The following RELN variants were observed in gnomAD, a reference collection of about 807,000 sequenced individuals.
RELN encodes the protein reelin.
In RELN, 108 loss-of-function variants were observed where a neutral mutation model predicts 427.6. That is an observed-to-expected ratio of 0.25 (90% CI 0.22 to 0.30). The LOEUF is 0.30. RELN is among the 10% of genes least tolerant of loss of function. The pLI, the probability that RELN is intolerant of heterozygous loss-of-function variation, is 1.00. For synonymous variants in RELN, 1,524 were observed against 1,513.4 expected (o/e 1.01, Z -0.16); for missense variants, 3,715 against 4,302.8 (o/e 0.86, Z 3.82).
At chr7:103,497,345 T>C (rs1030488694) in intron 55 of RELN, among the ~76,000 whole-genome samples, 23 of 152,232 alleles carry the variant, frequency 1.5e-4, no homozygotes, top group African/African-American at 5.5e-4. Context: ...TGGTTTTAGC[T>C]ACTTCAGAAT....
At chr7:103,609,367 G>A (rs1831895312) in intron 22 of RELN, among the ~76,000 whole-genome samples, 1 of 152,096 alleles carries the variant, frequency 6.6e-6, no homozygotes, top group Non-Finnish European at 1.5e-5. Context: ...GCTCTGCTTT[G>A]AGTATGACCA....
At chr7:103,506,576 A>G (rs1562859380) in intron 51 of RELN, among the ~76,000 whole-genome samples, 1 of 152,234 alleles carries the variant, frequency 6.6e-6, no homozygotes, top group African/African-American at 2.4e-5. Flanking sequence ...AAACATGGAA[A>G]GGAACAACCA....
chr7:103,514,345 T>A (rs941517338), intron 50 of RELN, among the ~76,000 whole-genome samples: 1 of 151,730 alleles, frequency 6.6e-6, no homozygotes, highest in African/African-American at 2.4e-5. Flanking sequence ...TGTCATGAAA[T>A]GAAAACAAGA....
chr7:103,834,444 G>A (rs1473219703), intron 2 of RELN, among the ~76,000 whole-genome samples: 1 of 152,108 alleles, frequency 6.6e-6, no homozygotes, highest in Non-Finnish European at 1.5e-5. Context: ...TAATGTTGAT[G>A]TTCTGTGACT....
chr7:103,820,826 A>G (rs39341), intron 3 of RELN, among the ~76,000 whole-genome samples: 25,787 of 152,026 alleles, frequency 0.17, 2,486 homozygotes, highest in Non-Finnish European at 0.21. Flanking sequence ...TCACTTTCTA[A>G]TAATATTATA....
At chr7:103,907,820 TACATGTACAGA>T (rs1795250044) in intron 2 of RELN, among the ~76,000 whole-genome samples, 3 of 152,004 alleles carry the variant, frequency 2.0e-5, no homozygotes, top group African/African-American at 7.3e-5. Context: ...AGTTCTGGGA[TACATGTACAGA>T]ACATGCAGAT....
At position 103,953,121 on chromosome 7, in the gene RELN, C is replaced by G. The variant is rs1796366240; in HGVS notation, c.227-35936G>C. ...CGCGCTGATTCAAGCTCCAAGATTC[C>G]TGCTCACTTCAAAGAGATATTTGCT... On this transcript the variant is annotated intron_variant, in intron 1 of 64. Coordinates refer to ENST00000428762, the MANE Select transcript of RELN (RefSeq NM_005045.4). This position sits in a 1 kb window ranked among gnomAD's most constrained non-coding sequence, Gnocchi z 4.3. 6.6e-6 allele frequency among the ~76,000 whole-genome samples: 1 copy of G among 152,096 alleles called. No individual in the cohort carries two copies. The highest frequency in any genetic ancestry group is 1.5e-5 in the Non-Finnish European group (1 of 68,032).
rs74937092 is a variant in RELN, at chr7:103,724,173, T to C, written c.754-982A>G. On this transcript the variant is annotated intron_variant, in intron 7 of 64. Transcript: ENST00000428762. ...CAGTAGGTTGTCTTACTTTTGCTGC[T>C]TTTTTTTTTCGTTGTTTTGTTTTTT... 3.2e-4 allele frequency among the ~76,000 whole-genome samples: 26 copies of C among 82,172 alleles called. 1 individual carries two copies. Among genetic ancestry groups the C allele is most frequent in the South Asian group, 1.1e-3 (2 of 1,786 alleles). The allele number at this position is 82,172 out of a possible 152,430, so 53.9% of individuals were successfully genotyped here.
chr7:103,577,005 A>C (rs1391907126), intron 28 of RELN, among the ~76,000 whole-genome samples: 1 of 152,210 alleles, frequency 6.6e-6, no homozygotes, highest in African/African-American at 2.4e-5. Context: ...CATACCAGGG[A>C]ACTATCTCTT....
chr7:103,770,078 AT>A (rs895465819), intron 4 of RELN, among the ~76,000 whole-genome samples: 1 of 81,440 alleles, frequency 1.2e-5, no homozygotes, highest in African/African-American at 7.4e-5. Context: ...TTTTTACTTT[AT>A]TTATTTATTT....
chr7:103,934,020 G>T (rs1478263403), intron 1 of RELN, among the ~76,000 whole-genome samples: 2 of 152,084 alleles, frequency 1.3e-5, no homozygotes, highest in African/African-American at 4.8e-5. Context: ...AAAATCTTCG[G>T]TTCTTGTTCT....
intron 2 of RELN, among the ~76,000 whole-genome samples, chr7:103,892,663 A>G (rs1035069016): frequency 6.6e-6 from 1 of 152,204 alleles, no homozygotes; most frequent in African/African-American, 2.4e-5. Flanking sequence ...GGAACTCATA[A>G]TATTTCCCAA....
chr7:103,518,933 A>T (rs1398040357), intron 49 of RELN, among the ~76,000 whole-genome samples: 1 of 152,202 alleles, frequency 6.6e-6, no homozygotes, highest in African/African-American at 2.4e-5. Flanking sequence ...TTTACATTTT[A>T]TTGTGTTTCT....
At chr7:103,541,423 C>A (rs1043301081) in intron 43 of RELN, among the ~76,000 whole-genome samples, 1 of 152,156 alleles carries the variant, frequency 6.6e-6, no homozygotes, top group Non-Finnish European at 1.5e-5. Context: ...ATATGTAAAA[C>A]CATTCATTCC....
At chr7:103,773,191 C>CTT (rs1791631590) in intron 4 of RELN, among the ~76,000 whole-genome samples, 2 of 117,934 alleles carry the variant, frequency 1.7e-5, no homozygotes, top group African/African-American at 7.8e-5. Context: ...TCTTTCTTTT[C>CTT]TTTCTTTCTC....
intron 1 of RELN, among the ~76,000 whole-genome samples, chr7:103,960,874 C>T (rs931785927): frequency 6.6e-6 from 1 of 152,202 alleles, no homozygotes; most frequent in Non-Finnish European, 1.5e-5. Context: ...AAGAACACTG[C>T]TTTAAGGTGT....
Position 103,603,239 on chromosome 7 carries a change from G to A in RELN, c.3333+65C>T, listed in dbSNP as rs2117270860. 1 of 1,284,926 alleles carries A rather than the reference G, an allele frequency of 7.8e-7. No individual in the cohort carries two copies. Among genetic ancestry groups the A allele is most frequent in the East Asian group, 2.3e-5 (1 of 43,264 alleles). The allele number at this position is 1,284,926 out of a possible 1,614,324, so 79.6% of individuals were successfully genotyped here. A position where few individuals can be genotyped will look rare whatever the true frequency, so the allele number is the denominator to read the frequency against. ...AGAACCACTTCATATTTGTACATTT[G>A]GAATTCAGAGTCTCATATTAAACTA... is the stretch of plus-strand genomic sequence containing the variant. On this transcript the variant is annotated intron_variant, in intron 24 of 64. Transcript: ENST00000428762. The surrounding 1 kb of genome is among the most constrained non-coding windows in gnomAD (Gnocchi z 4.3).
At chr7:103,949,038 A>AAAC (rs1563106791) in intron 1 of RELN, among the ~76,000 whole-genome samples, 1 of 129,322 alleles carries the variant, frequency 7.7e-6, no homozygotes, top group Non-Finnish European at 1.7e-5. Flanking sequence ...AAAAAAAAAA[A>AAAC]AAAAAAAAAC....
chr7:103,478,944 C>T (rs894666510), intron 63 of RELN, among the ~76,000 whole-genome samples: 6 of 152,242 alleles, frequency 3.9e-5, no homozygotes, highest in East Asian at 1.9e-4. Flanking sequence ...GGGATGGTCA[C>T]GATGGAACTC....
Sources: gnomAD v4.1 joint callset for allele counts (sites outside exome capture counted in the v4.1 genomes callset) on GRCh38, gnomAD v4.1.1 for gene constraint, Gnocchi (gnomAD v3.1) non-coding constraint, MANE v1.5 for transcripts, NCBI Gene and HGNC (gene_info 2026-07-23, HGNC 2026-07-21) for gene names.